The following SYT1 variants were observed in gnomAD, a reference collection of about 807,000 sequenced individuals.
SYT1 encodes synaptotagmin 1.
A neutral mutation model predicts 44.8 loss-of-function variants in SYT1; 8 were observed. The ratio of observed to expected loss-of-function variants is 0.18; its 90% CI spans 0.10 to 0.32. SYT1 has a LOEUF of 0.32. SYT1 is among the 10% of genes least tolerant of loss of function. SYT1 has a pLI of 1.00. For synonymous variants in SYT1, 154 were observed against 188.8 expected (o/e 0.82, Z 1.51); for missense variants, 286 against 509.3 (o/e 0.56, Z 4.22).
chr12:78,904,309 C>T (rs1047782447), intron 1 of SYT1, among the ~76,000 whole-genome samples: 3 of 151,888 alleles, frequency 2.0e-5, no homozygotes, highest in Non-Finnish European at 4.4e-5. Context: ...GTGATTTATC[C>T]ATTGGAAAGC....
chr12:79,053,226 A>G (rs1278836248), intron 3 of SYT1, among the ~76,000 whole-genome samples: 2 of 152,170 alleles, frequency 1.3e-5, no homozygotes, highest in Admixed American at 6.6e-5. Context: ...ATGAAGCTGG[A>G]AACCATCATT....
At chr12:79,108,582 A>C (rs1878842236) in intron 3 of SYT1, among the ~76,000 whole-genome samples, 1 of 152,172 alleles carries the variant, frequency 6.6e-6, no homozygotes, top group Admixed American at 6.5e-5. Context: ...AGGGGAAATG[A>C]AAATCTCTGA....
chr12:78,997,532 G>C (rs1224595894), intron 2 of SYT1, among the ~76,000 whole-genome samples: 1 of 152,122 alleles, frequency 6.6e-6, no homozygotes, highest in East Asian at 1.9e-4. Flanking sequence ...AAGCAACCTT[G>C]AGTTTCTTTT....
chr12:79,004,996 A>G (rs545874455), intron 2 of SYT1, among the ~76,000 whole-genome samples: 1 of 152,174 alleles, frequency 6.6e-6, no homozygotes, highest in Non-Finnish European at 1.5e-5. Flanking sequence ...GGTTTCATAG[A>G]AGGTAACTTG....
chr12:79,005,952 C>A (rs976808), intron 2 of SYT1, among the ~76,000 whole-genome samples: 2 of 152,026 alleles, frequency 1.3e-5, no homozygotes, highest in Non-Finnish European at 2.9e-5. Flanking sequence ...TTTGGATAGG[C>A]GCTCTGTTTG....
Position 79,311,926 on chromosome 12 carries a change from A to G in SYT1, c.810+12375A>G, listed in dbSNP as rs1168386297. Reference sequence around the variant, plus strand: ...GAGATATACCTAATGCTAAATGACGAGTTAATGGGTGCAGCACACCAGCAT... The same window carrying G: ...GAGATATACCTAATGCTAAATGACGGGTTAATGGGTGCAGCACACCAGCAT... On this transcript the variant is annotated intron_variant, in intron 8 of 10. Transcript: ENST00000261205. Among the ~76,000 whole-genome samples, 5 of 148,138 alleles carry G rather than the reference A, an allele frequency of 3.4e-5. No homozygotes were observed. The East Asian group carries it at 8.0e-4, about 24-fold the overall frequency.
intron 8 of SYT1, among the ~76,000 whole-genome samples, chr12:79,314,029 C>T (rs922527944): frequency 1.3e-5 from 2 of 150,612 alleles, no homozygotes; most frequent in South Asian, 4.2e-4. Context: ...ATTAGCCGGG[C>T]GTGGTAGCGG....
chr12:79,205,940 C>A (rs916870534), intron 3 of SYT1, among the ~76,000 whole-genome samples: 1 of 151,824 alleles, frequency 6.6e-6, no homozygotes, highest in Non-Finnish European at 1.5e-5. Context: ...ATATTTTCTC[C>A]TCATTCTTTA....
rs1483574854 is a variant in SYT1, at chr12:79,105,708, G to A, written c.-18+58346G>A. Among the ~76,000 whole-genome samples, 14 of 152,046 alleles carry A rather than the reference G, an allele frequency of 9.2e-5. No homozygotes were observed. The East Asian group carries it at 9.7e-4, about 11-fold the overall frequency. ...ATCCTGGCTAACACGGTGAAACCCC[G>A]TCTCTACTAAAAATACAAAAAATTA... On this transcript the variant is annotated intron_variant, in intron 3 of 10. Transcript: ENST00000261205.
intron 4 of SYT1, among the ~76,000 whole-genome samples, chr12:79,250,574 A>T (rs1382978899): frequency 1.3e-5 from 2 of 152,222 alleles, no homozygotes; most frequent in Non-Finnish European, 1.5e-5. Flanking sequence ...AACAATAAAA[A>T]TCTGTGAACA....
chr12:79,282,419 A>G (rs1488393843), intron 4 of SYT1, among the ~76,000 whole-genome samples: 1 of 152,202 alleles, frequency 6.6e-6, no homozygotes, highest in African/African-American at 2.4e-5. Context: ...AATTTTTAAT[A>G]GAGTTTTTAT....
chr12:79,411,972 A>G (rs1488429961), intron 9 of SYT1, among the ~76,000 whole-genome samples: 2 of 152,160 alleles, frequency 1.3e-5, no homozygotes, highest in Non-Finnish European at 2.9e-5. Context: ...TATTGTTGGC[A>G]TGGCGAGTCT....
chr12:78,873,150 A>G (rs1199002007), intron 1 of SYT1, among the ~76,000 whole-genome samples: 1 of 151,644 alleles, frequency 6.6e-6, no homozygotes, highest in Admixed American at 6.6e-5. Context: ...TAAAGATGCA[A>G]TGAAGGAGAC....
intron 9 of SYT1, among the ~76,000 whole-genome samples, chr12:79,430,369 A>G (rs905671676): frequency 5.3e-5 from 8 of 152,210 alleles, no homozygotes; most frequent in Non-Finnish European, 1.0e-4. Flanking sequence ...AATATGGACT[A>G]ATTTAAATAT....
chr12:79,387,179 T>C (rs1490076142), intron 9 of SYT1, among the ~76,000 whole-genome samples: 1 of 152,212 alleles, frequency 6.6e-6, no homozygotes, highest in East Asian at 1.9e-4. Flanking sequence ...CTTGTAATCT[T>C]CAAATACTAT....
intron 9 of SYT1, among the ~76,000 whole-genome samples, chr12:79,379,870 G>A (rs186051698): frequency 8.1e-4 from 124 of 152,170 alleles, no homozygotes; most frequent in Non-Finnish European, 1.3e-3. Context: ...GTACTATTAC[G>A]ACTAATTTGC....
intron 1 of SYT1, among the ~76,000 whole-genome samples, chr12:78,891,723 C>A (rs1334290510): frequency 6.6e-6 from 1 of 151,810 alleles, no homozygotes; most frequent in African/African-American, 2.4e-5. Context: ...AAACCTGTGG[C>A]AATTTGAACT....
chr12:79,157,047 AG>A (rs2138287083), intron 3 of SYT1, among the ~76,000 whole-genome samples: 1 of 152,170 alleles, frequency 6.6e-6, no homozygotes, highest in African/African-American at 2.4e-5. Context: ...TGTCAGGGTG[AG>A]GTGCAGAGAA....
chr12:79,050,628 T>G (rs1224397432), intron 3 of SYT1, among the ~76,000 whole-genome samples: 1 of 152,030 alleles, frequency 6.6e-6, no homozygotes, highest in East Asian at 1.9e-4. Context: ...AACTGGGAGT[T>G]GATACACTCA....
Sources: allele counts gnomAD v4.1 joint callset (sites outside exome capture counted in the v4.1 genomes callset), GRCh38; gene constraint gnomAD v4.1.1; transcripts MANE v1.5; gene names NCBI Gene and HGNC (gene_info 2026-07-23, HGNC 2026-07-21).